The following IL16 variants were observed in gnomAD, a reference collection of about 807,000 sequenced individuals.
The protein encoded by IL16 is pro-interleukin-16.
Under a neutral mutation model 110.1 loss-of-function variants are expected in IL16, and 67 were observed. That is an observed-to-expected ratio of 0.61 (90% confidence interval 0.50 to 0.75). IL16 has a LOEUF of 0.75. Ranked by LOEUF, IL16 falls within the 30% of genes least tolerant of loss-of-function variation. The pLI, the probability that IL16 is intolerant of heterozygous loss-of-function variation, is 0.00. For missense variants in IL16, 1,545 were observed against 1,655.0 expected (o/e 0.93, Z 1.15); for synonymous variants, 689 against 662.9 (o/e 1.04, Z -0.61).
At chr15:81,185,589 C>G (rs901791634) in intron 1 of IL16, among the ~76,000 whole-genome samples, 7 of 152,088 alleles carry the variant, frequency 4.6e-5, no homozygotes, top group African/African-American at 1.7e-4. Context: ...TGTGCCCAGC[C>G]TGGAATTTAT....
At chr15:81,262,104 G>A (rs1428984763) in intron 3 of IL16, among the ~76,000 whole-genome samples, 1 of 152,066 alleles carries the variant, frequency 6.6e-6, no homozygotes, top group Non-Finnish European at 1.5e-5. Flanking sequence ...ATTCATACAG[G>A]TGAAGTTAAA....
chr15:81,300,508 T>C (rs752464340), intron 14 of IL16, 33 bp downstream of exon 14: 19 of 1,364,468 alleles, frequency 1.4e-5, no homozygotes, highest in Non-Finnish European at 1.8e-5. Flanking sequence ...TCTCTTTACC[T>C]TTCTCATCTT....
chr15:81,259,768 G>A lies in IL16; in HGVS notation c.313-4G>A, dbSNP rs1898084399. ...TGAATAAAAAGACGGCAATTGTTTT[G>A]CAGGAATCTTCCACAGCTTCCTCTC... On this transcript the variant is annotated splice_polypyrimidine_tract_variant and splice_region_variant and intron_variant, in intron 2 of 18. Coordinates refer to ENST00000683961, the MANE Select transcript of IL16 (RefSeq NM_172217.5). 6.2e-7 allele frequency: 1 copy of A among 1,601,270 alleles called. No homozygotes were observed. The highest frequency in any genetic ancestry group is 8.6e-7 in the Non-Finnish European group (1 of 1,168,652).
At position 81,220,796 on chromosome 15, in the gene IL16, GAA is replaced by G. The variant is rs3086670; in HGVS notation, c.-101-4489_-101-4488del. ...GTTTCTCAACAAGTGCTTGTTGAATGAAAAAAAAAAAAAAATGAAAAGGAAGG... is the reference window on the plus strand; with the variant it reads ...GTTTCTCAACAAGTGCTTGTTGAATGAAAAAAAAAAAAATGAAAAGGAAGG... On this transcript the variant is annotated intron_variant, in intron 1 of 18. Transcript: ENST00000683961. Among the ~76,000 whole-genome samples the G allele has an allele frequency of 9.3e-3, 1,197 of 128,808 alleles. 5 individuals carry two copies. Among genetic ancestry groups the G allele is most frequent in the Middle Eastern group, 0.039 (9 of 232 alleles). 84.5% of individuals were successfully genotyped at this position (128,808 alleles called of 152,430 possible). A position where few individuals can be genotyped will look rare whatever the true frequency, so the allele number is the denominator to read the frequency against.
intron 16 of IL16, 116 bp from the exon 17 acceptor site, chr15:81,305,792 A>C: frequency 2.4e-6 from 3 of 1,274,364 alleles, no homozygotes; most frequent in Non-Finnish European, 1.1e-6. Flanking sequence ...AATTATCTTT[A>C]ATCTTTGTTG....
Position 81,313,393 on chromosome 15 carries a change from T to G in IL16, c.*4595T>G. 6.4e-7 allele frequency: 1 copy of G among 1,552,328 alleles called. No homozygotes were observed. The highest frequency in any genetic ancestry group is 8.7e-7 in the Non-Finnish European group (1 of 1,147,436). On this transcript the variant is annotated 3_prime_UTR_variant, in exon 19 of 19. Coordinates refer to ENST00000683961, the MANE Select transcript of IL16 (RefSeq NM_172217.5). Reference sequence around the variant, plus strand: ...TGGAAGAATGTGACCAGGTTGGTCTTGGTGGGTTCCCTGTGAAGGCAACAG... The same window carrying G: ...TGGAAGAATGTGACCAGGTTGGTCTGGGTGGGTTCCCTGTGAAGGCAACAG...
upstream of IL16, among the ~76,000 whole-genome samples, chr15:81,192,622 A>G (rs1165044107): frequency 1.3e-5 from 2 of 152,234 alleles, no homozygotes; most frequent in Non-Finnish European, 2.9e-5. Flanking sequence ...ACAAACAAAC[A>G]AACAAAAAAC....
At chr15:81,223,061 C>T (rs916002237) in intron 1 of IL16, among the ~76,000 whole-genome samples, 15 of 152,138 alleles carry the variant, frequency 9.9e-5, no homozygotes, top group African/African-American at 3.1e-4. Context: ...TATTCTTCTG[C>T]CAATGGATCT....
At chr15:81,191,344 C>T (rs578259697) in intron 1 of IL16, among the ~76,000 whole-genome samples, 1 of 152,312 alleles carries the variant, frequency 6.6e-6, no homozygotes, top group East Asian at 1.9e-4. Flanking sequence ...GGCCTAATCA[C>T]ATAAATTACG....
At chr15:81,295,632 G>T (rs1168504493) in intron 12 of IL16, 5 of 532,550 alleles carry the variant, frequency 9.4e-6, no homozygotes, top group Non-Finnish European at 1.5e-5. Context: ...CTTTTTTTAA[G>T]GGCTAGTTCG....
intron 12 of IL16, 133 bp from the exon 13 acceptor site, chr15:81,296,795 A>T: frequency 1.3e-6 from 1 of 763,596 alleles, no homozygotes; most frequent in Non-Finnish European, 2.1e-6. Flanking sequence ...AATCCTCTTT[A>T]CATGGCTGCT....
intron 18 of IL16, 106 bp downstream of exon 18, chr15:81,306,651 C>G: frequency 7.4e-7 from 1 of 1,356,950 alleles, no homozygotes; most frequent in African/African-American, 1.4e-5. Context: ...TCCCACAACT[C>G]CATGTCCTCT....
intron 6 of IL16, among the ~76,000 whole-genome samples, chr15:81,274,419 G>C (rs1326606346): frequency 6.6e-6 from 1 of 152,216 alleles, no homozygotes; most frequent in Non-Finnish European, 1.5e-5. Context: ...ATCCAGGGCT[G>C]CTTTCATCTC....
intron 2 of IL16, among the ~76,000 whole-genome samples, chr15:81,255,336 T>C (rs1202626017): frequency 1.3e-5 from 2 of 152,222 alleles, no homozygotes; most frequent in African/African-American, 4.8e-5. Context: ...CACGGCCATG[T>C]TGAAGTGAAG....
At chr15:81,190,588 T>C (rs966148781) in intron 1 of IL16, among the ~76,000 whole-genome samples, 1 of 152,098 alleles carries the variant, frequency 6.6e-6, no homozygotes, top group Non-Finnish European at 1.5e-5. Flanking sequence ...TCCAAGTGAA[T>C]TGTGGAGCTG....
chr15:81,242,866 T>C (rs1212544531), intron 2 of IL16, among the ~76,000 whole-genome samples: 11 of 151,976 alleles, frequency 7.2e-5, no homozygotes. Flanking sequence ...ATGTTCTTTA[T>C]GAGGTTGAAG....
At chr15:81,255,065 G>A (rs1328323884) in intron 2 of IL16, among the ~76,000 whole-genome samples, 4 of 152,122 alleles carry the variant, frequency 2.6e-5, no homozygotes, top group African/African-American at 4.8e-5. Context: ...CTTTCCCTAC[G>A]ACTCATTTCT....
chr15:81,194,951 C>T (rs1208834024), upstream of IL16, among the ~76,000 whole-genome samples: 2 of 152,142 alleles, frequency 1.3e-5, no homozygotes, highest in African/African-American at 4.8e-5. Context: ...GCTCTCTCAC[C>T]TGCGTCTTCC....
At chr15:81,241,421 A>G (rs61219147) in intron 2 of IL16, among the ~76,000 whole-genome samples, 22,497 of 151,986 alleles carry the variant, frequency 0.15, 1,959 homozygotes, top group Middle Eastern at 0.21. Context: ...AATAGACATG[A>G]TATATTGCTG....
Sources: gnomAD v4.1 joint callset for allele counts (sites outside exome capture counted in the v4.1 genomes callset) on GRCh38, gnomAD v4.1.1 for gene constraint, MANE v1.5 for transcripts, NCBI Gene and HGNC (gene_info 2026-07-23, HGNC 2026-07-21) for gene names.